SH3BGR: variants seen among roughly 807,000 people sequenced by gnomAD.
SH3BGR encodes SH3 domain-binding glutamic acid-rich protein.
In SH3BGR, 29 loss-of-function variants were observed where a neutral mutation model predicts 24.5. That is an observed-to-expected ratio of 1.18 (90% CI 0.88 to 1.61). SH3BGR has a LOEUF of 1.61. Ranked by LOEUF, SH3BGR falls within the 40% of genes most tolerant of loss-of-function variation. The pLI is 0.00. For synonymous variants in SH3BGR, 55 were observed against 65.7 expected, an observed-to-expected ratio of 0.84 and a Z score of 0.79; for missense variants, 162 against 205.8, an observed-to-expected ratio of 0.79 and a Z score of 1.30.
At chr21:39,499,766 T>G (rs2078461863) in intron 3 of SH3BGR, 57 bp from the exon 4 acceptor site, 3 of 1,341,250 alleles carry the variant, frequency 2.2e-6, no homozygotes, top group South Asian at 1.3e-5. Context: ...TGTGGCCTGT[T>G]TTTTTTTTTC....
intron 6 of SH3BGR, among the ~76,000 whole-genome samples, chr21:39,512,623 C>G (rs1251208864): frequency 6.6e-6 from 1 of 151,998 alleles, no homozygotes; most frequent in African/African-American, 2.4e-5. Context: ...GCGTGAAAAC[C>G]CCTAAAGACA....
At chr21:39,503,050 C>CA (rs1027265446) in intron 4 of SH3BGR, among the ~76,000 whole-genome samples, 20 of 151,778 alleles carry the variant, frequency 1.3e-4, no homozygotes, top group Non-Finnish European at 2.8e-4. Context: ...TTTTGAAAAC[C>CA]AAGGTCTATA....
At chr21:39,495,365 T>C (rs993485189) in intron 3 of SH3BGR, among the ~76,000 whole-genome samples, 2 of 152,268 alleles carry the variant, frequency 1.3e-5, no homozygotes, top group Non-Finnish European at 2.9e-5. Context: ...AGCAGGCATT[T>C]ACTTTGTTGG....
chr21:39,454,219 G>A (rs1217543232), intron 1 of SH3BGR, among the ~76,000 whole-genome samples: 1 of 152,142 alleles, frequency 6.6e-6, no homozygotes, highest in East Asian at 1.9e-4. Context: ...GGCTTCTTGT[G>A]CCCATGCTAC....
intron 3 of SH3BGR, among the ~76,000 whole-genome samples, chr21:39,493,760 T>C (rs2078344734): frequency 6.6e-6 from 1 of 152,234 alleles, no homozygotes; most frequent in African/African-American, 2.4e-5. Flanking sequence ...TGGGATGTAT[T>C]TCCATTTGTT....
intron 3 of SH3BGR, among the ~76,000 whole-genome samples, chr21:39,484,072 G>A (rs2078171520): frequency 6.6e-6 from 1 of 152,196 alleles, no homozygotes. Context: ...TAAGAGCTGA[G>A]GCAAGAAAAG....
intron 1 of SH3BGR, among the ~76,000 whole-genome samples, chr21:39,452,817 A>G (rs2077595757): frequency 6.6e-6 from 1 of 152,100 alleles, no homozygotes; most frequent in Non-Finnish European, 1.5e-5. Context: ...ATTCTGTGCA[A>G]GCTGGACCTG....
Position 39,510,398 on chromosome 21 carries a change from T to TAC in SH3BGR, c.436-1259_436-1258dup, listed in dbSNP as rs34806393. ...CACACACACACACACACACTGTAGC[T>TAC]ACACACACACACACACACACACACT... On this transcript the variant is annotated intron_variant, in intron 5 of 6. Coordinates refer to ENST00000333634, the MANE Select transcript of SH3BGR (RefSeq NM_007341.3). 7.4e-3 allele frequency among the ~76,000 whole-genome samples: 823 copies of TAC among 111,512 alleles called. 22 individuals carry two copies. Among genetic ancestry groups the TAC allele is most frequent in the East Asian group, 0.035 (139 of 3,928 alleles). The allele number at this position is 111,512 out of a possible 152,430, so 73.2% of individuals were successfully genotyped here.
chr21:39,475,256 T>C (rs1236193133), intron 3 of SH3BGR, 41 bp downstream of exon 3: 7 of 1,217,068 alleles, frequency 5.8e-6, no homozygotes, highest in Non-Finnish European at 8.5e-6. Context: ...AAACAGGTAA[T>C]ACTAAATGAA....
intron 4 of SH3BGR, among the ~76,000 whole-genome samples, chr21:39,500,330 G>A (rs2078472797): frequency 6.6e-6 from 1 of 152,126 alleles, no homozygotes; most frequent in Admixed American, 6.5e-5. Context: ...TCTGGCGGAA[G>A]ACAAGAGGAA....
In SH3BGR at chr21:39,515,152, T is replaced by C. The variant is rs1319124744; in HGVS notation, c.*99T>C. 1 of 469,864 alleles carries C rather than the reference T, an allele frequency of 2.1e-6. No individual in the cohort carries two copies. The highest frequency in any genetic ancestry group is 7.0e-5 in the East Asian group (1 of 14,388). 29.1% of individuals were successfully genotyped at this position (469,864 alleles called of 1,614,324 possible). A position where few individuals can be genotyped will look rare whatever the true frequency, so the allele number is the denominator to read the frequency against. ...ACAAACCAAACTCAACAGAATACTT[T>C]GGCTTGAAGCCGGCACACCCAGGGT... On this transcript the variant is annotated 3_prime_UTR_variant, in exon 7 of 7. Coordinates refer to ENST00000333634, the MANE Select transcript of SH3BGR (RefSeq NM_007341.3).
intron 3 of SH3BGR, among the ~76,000 whole-genome samples, chr21:39,480,570 G>A (rs140294891): frequency 1.9e-3 from 287 of 152,296 alleles, no homozygotes; most frequent in African/African-American, 6.6e-3. Flanking sequence ...CGAATGGATG[G>A]ACTGCATTTT....
chr21:39,460,615 G>A (rs905564738), intron 1 of SH3BGR, among the ~76,000 whole-genome samples: 6 of 151,876 alleles, frequency 4.0e-5, no homozygotes, highest in African/African-American at 9.7e-5. Context: ...GATTTCAGGC[G>A]CATGCCACCA....
intron 3 of SH3BGR, among the ~76,000 whole-genome samples, chr21:39,476,741 T>G (rs1735138): frequency 2.0e-5 from 3 of 151,954 alleles, no homozygotes; most frequent in Non-Finnish European, 4.4e-5. Flanking sequence ...AATCCCCTTC[T>G]TCCAGACCCC....
chr21:39,497,656 CAAATA>C (rs2078422023), intron 3 of SH3BGR, among the ~76,000 whole-genome samples: 1 of 151,760 alleles, frequency 6.6e-6, no homozygotes, highest in African/African-American at 2.4e-5. Context: ...AGAAAAAAAT[CAAATA>C]AAATGGGCAA....
intron 3 of SH3BGR, among the ~76,000 whole-genome samples, chr21:39,496,756 T>A (rs1237624011): frequency 2.0e-5 from 3 of 152,124 alleles, no homozygotes; most frequent in African/African-American, 7.2e-5. Flanking sequence ...TGTTTAGGAA[T>A]AAATTTATCA....
upstream of SH3BGR, chr21:39,451,815 G>A (rs1464120726): frequency 4.3e-6 from 6 of 1,398,102 alleles, no homozygotes; most frequent in Non-Finnish European, 5.9e-6. Flanking sequence ...AAAGTGATAG[G>A]GAAAGGGTCC....
intron 3 of SH3BGR, among the ~76,000 whole-genome samples, chr21:39,478,615 G>A (rs1399671666): frequency 2.0e-5 from 3 of 152,124 alleles, no homozygotes; most frequent in South Asian, 2.1e-4. Context: ...TTCATTTCCA[G>A]TTCATTTTCA....
chr21:39,495,101 G>A (rs1252013278), intron 3 of SH3BGR, among the ~76,000 whole-genome samples: 1 of 143,824 alleles, frequency 7.0e-6, no homozygotes, highest in Non-Finnish European at 1.5e-5. Flanking sequence ...TTCATTGCAA[G>A]CATGTTTGCC....
Sources: allele counts gnomAD v4.1 joint callset (sites outside exome capture counted in the v4.1 genomes callset), GRCh38; gene constraint gnomAD v4.1.1; transcripts MANE v1.5; gene names NCBI Gene and HGNC (gene_info 2026-07-23, HGNC 2026-07-21).